CSMD3: variants seen among roughly 807,000 people sequenced by gnomAD.
CSMD3 encodes the protein CUB and Sushi multiple domains 3, also known as CUB and sushi domain-containing protein 3.
In CSMD3, 177 loss-of-function variants were observed where a neutral mutation model predicts 435.2. The observed-to-expected ratio is 0.41, with a 90% CI of 0.36 to 0.46. The LOEUF is 0.46. Among genes scored for constraint, CSMD3 ranks in the 20% least tolerant of loss-of-function variants. The pLI, the probability that CSMD3 is intolerant of heterozygous loss-of-function variation, is 0.34. For missense variants in CSMD3, 4,265 were observed against 4,504.6 expected (o/e 0.95, Z 1.52); for synonymous variants, 1,656 against 1,520.5 (o/e 1.09, Z -2.07).
intron 28 of CSMD3, among the ~76,000 whole-genome samples, chr8:112,508,030 T>C (rs966909524): frequency 6.6e-6 from 1 of 152,160 alleles, no homozygotes; most frequent in South Asian, 2.1e-4. Context: ...CAAGCTTAAA[T>C]GCCTCCTGAA....
chr8:112,774,476 C>T (rs1211899647), intron 13 of CSMD3, among the ~76,000 whole-genome samples: 1 of 151,986 alleles, frequency 6.6e-6, no homozygotes, highest in East Asian at 1.9e-4. Context: ...AAATTAACAG[C>T]TCCAATTTTA....
chr8:112,492,776 G>A, intron 30 of CSMD3, 93 bp from the exon 31 acceptor site: 1 of 1,030,728 alleles, frequency 9.7e-7, no homozygotes, highest in Non-Finnish European at 1.5e-6. Flanking sequence ...TCAGCCAACT[G>A]CAGATTGAAA....
At chr8:112,902,305 A>G (rs2082126584) in intron 10 of CSMD3, among the ~76,000 whole-genome samples, 1 of 151,190 alleles carries the variant, frequency 6.6e-6, no homozygotes, top group South Asian at 2.1e-4. Context: ...GCTTGATATG[A>G]TCAAAGGGTA....
At chr8:113,117,919 A>C (rs574021941) in intron 4 of CSMD3, among the ~76,000 whole-genome samples, 1 of 152,274 alleles carries the variant, frequency 6.6e-6, no homozygotes, top group Admixed American at 6.5e-5. Flanking sequence ...CCCATTGTAT[A>C]ATATCTAGGA....
chr8:112,302,054 C>G, intron 52 of CSMD3, 88 bp from the exon 53 acceptor site: 1 of 906,994 alleles, frequency 1.1e-6, no homozygotes, highest in Non-Finnish European at 1.7e-6. Flanking sequence ...TTTGAGCTTC[C>G]TATGATTTGA....
At chr8:112,852,331 A>AT (rs1218784799) in intron 11 of CSMD3, among the ~76,000 whole-genome samples, 4 of 152,076 alleles carry the variant, frequency 2.6e-5, no homozygotes, top group Admixed American at 6.6e-5. Context: ...TGAAATTTGG[A>AT]TTTTTTTGTT....
At chr8:112,290,868 T>A (rs961707139) in intron 56 of CSMD3, among the ~76,000 whole-genome samples, 20 of 152,038 alleles carry the variant, frequency 1.3e-4, no homozygotes, top group African/African-American at 4.6e-4. Flanking sequence ...CACTCCTCTA[T>A]GCCTTCACAG....
At chr8:112,422,981 C>T (rs576892482) in intron 32 of CSMD3, among the ~76,000 whole-genome samples, 17 of 152,194 alleles carry the variant, frequency 1.1e-4, no homozygotes, top group African/African-American at 4.1e-4. Flanking sequence ...GTTACTTAAC[C>T]TTCTCCAGAG....
At chr8:112,836,762 C>A (rs985828747) in intron 11 of CSMD3, among the ~76,000 whole-genome samples, 1 of 151,720 alleles carries the variant, frequency 6.6e-6, no homozygotes. Flanking sequence ...TTAAATAATG[C>A]ATTTGTTATT....
intron 37 of CSMD3, 113 bp downstream of exon 37, chr8:112,383,454 A>G: frequency 1.5e-6 from 1 of 685,902 alleles, no homozygotes; most frequent in Non-Finnish European, 2.7e-6. Flanking sequence ...CTTTGTGTAT[A>G]GTTTGTAAAA....
At chr8:112,471,064 T>C (rs984456971) in intron 32 of CSMD3, among the ~76,000 whole-genome samples, 1 of 152,194 alleles carries the variant, frequency 6.6e-6, no homozygotes, top group Non-Finnish European at 1.5e-5. Flanking sequence ...TTTCAATTAG[T>C]ACTTTTTCTT....
intron 22 of CSMD3, among the ~76,000 whole-genome samples, chr8:112,624,720 C>T (rs959301862): frequency 1.3e-5 from 2 of 151,952 alleles, no homozygotes; most frequent in South Asian, 4.1e-4. Flanking sequence ...TCACTATGTA[C>T]ATGCTGAACA....
chr8:112,636,776 T>C, intron 22 of CSMD3, 41 bp downstream of exon 22: 1 of 1,509,024 alleles, frequency 6.6e-7, no homozygotes, highest in Non-Finnish European at 9.2e-7. Flanking sequence ...CCATGGACAG[T>C]GACTACACAT....
At chr8:112,660,770 A>G (rs1422737508) in intron 17 of CSMD3, among the ~76,000 whole-genome samples, 1 of 152,208 alleles carries the variant, frequency 6.6e-6, no homozygotes. Context: ...ATTCTAAAAT[A>G]CTGAAAATAC....
intron 27 of CSMD3, among the ~76,000 whole-genome samples, chr8:112,545,758 C>T (rs572902835): frequency 2.0e-5 from 3 of 152,176 alleles, no homozygotes; most frequent in African/African-American, 7.2e-5. Context: ...ATTATAATTA[C>T]TGAGCACTGC....
chr8:112,373,964 T>C (rs1203858987), intron 38 of CSMD3, among the ~76,000 whole-genome samples: 1 of 152,214 alleles, frequency 6.6e-6, no homozygotes, highest in Non-Finnish European at 1.5e-5. Context: ...AGATTTTAAC[T>C]GTTATTCAAC....
intron 38 of CSMD3, among the ~76,000 whole-genome samples, chr8:112,367,361 C>T (rs1345560423): frequency 6.6e-6 from 1 of 152,060 alleles, no homozygotes; most frequent in Non-Finnish European, 1.5e-5. Flanking sequence ...CTTATGCTGA[C>T]CTTGATATAA....
In CSMD3 at chr8:112,395,322, A is replaced by C. The variant is rs1157960419; in HGVS notation, c.5810-4534T>G. On this transcript the variant is annotated intron_variant, in intron 35 of 70. Coordinates refer to ENST00000297405, the MANE Select transcript of CSMD3 (RefSeq NM_198123.2). ...ACCTTCCAAAGTTGATATCAATATTAAATGAGATAATGCTTAATAGTGCTT... is the reference window on the plus strand; with the variant it reads ...ACCTTCCAAAGTTGATATCAATATTCAATGAGATAATGCTTAATAGTGCTT... Among the ~76,000 whole-genome samples, 3 of 152,192 alleles carry C rather than the reference A, an allele frequency of 2.0e-5. No homozygotes were observed. In the East Asian group the frequency reaches 5.8e-4, roughly 29 times the overall value.
rs2130988339 is a variant in CSMD3, at chr8:112,517,107, T to A, written c.4683A>T (p.Gln1561His). The change falls in exon 28 of 71, where the codon CAA (glutamine) becomes CAT (histidine). Residue 1561 changes from glutamine (Q) to histidine (H), a missense_variant. This residue lies in a region of CSMD3 where 3,255 missense variants were observed against 3,380.2 expected (regional missense o/e 0.96). Transcript: ENST00000297405. The part of the protein sequence containing the change: ...VFQCDPGYEL[Q>H]GEERITCIQV... ...GAATGCAGGTTATTCTTTCCTCTCC[T>A]TGAAGTTCATATCCTGGGTCACATT... 1.2e-6 allele frequency: 2 copies of A among 1,613,926 alleles called. No homozygotes were observed. Among genetic ancestry groups the A allele is most frequent in the Non-Finnish European group, 1.7e-6 (2 of 1,179,886 alleles).
Sources: gnomAD v4.1 joint callset for allele counts (sites outside exome capture counted in the v4.1 genomes callset) on GRCh38, gnomAD v4.1.1 for gene constraint, gnomAD v4.1.1 regional missense constraint, MANE v1.5 for transcripts, NCBI Gene and HGNC (gene_info 2026-07-23, HGNC 2026-07-21) for gene names.